Variants in DEUP1 observed in about 807,000 individuals in gnomAD.
The protein encoded by DEUP1 is deuterosome assembly protein 1.
In DEUP1, 82 loss-of-function variants were observed where a neutral mutation model predicts 87.4. The ratio of observed to expected loss-of-function variants is 0.94; its 90% confidence interval spans 0.78 to 1.13. DEUP1 has a LOEUF of 1.13. Ranked by LOEUF, DEUP1 falls within the 50% of genes most tolerant of loss-of-function variation. DEUP1 has a pLI of 0.00. For missense variants in DEUP1, 663 were observed against 681.5 expected, an observed-to-expected ratio of 0.97 and a Z score of 0.30; for synonymous variants, 214 against 222.7, an observed-to-expected ratio of 0.96 and a Z score of 0.35.
intron 6 of DEUP1, among the ~76,000 whole-genome samples, chr11:93,370,673 T>C (rs1231987027): frequency 6.6e-6 from 1 of 152,214 alleles, no homozygotes; most frequent in Admixed American, 6.5e-5. Flanking sequence ...ATTGACAACT[T>C]TTCCCCTACA....
rs561023700 is a variant in DEUP1, at chr11:93,387,669, A to G, written c.936-1351A>G. Among the ~76,000 whole-genome samples the G allele has an allele frequency of 5.9e-5, 9 of 152,266 alleles. No homozygotes were observed. In the South Asian group the frequency reaches 1.9e-3, roughly 32 times the overall value. Reference sequence around the variant, plus strand: ...TTTGCAAGACCACCATGAGGATTTTAGCATTCAATTCAGCATTCTACTTCC... The same window carrying G: ...TTTGCAAGACCACCATGAGGATTTTGGCATTCAATTCAGCATTCTACTTCC... On this transcript the variant is annotated intron_variant, in intron 8 of 13. Coordinates refer to ENST00000298050, the MANE Select transcript of DEUP1 (RefSeq NM_181645.4).
intron 13 of DEUP1, among the ~76,000 whole-genome samples, chr11:93,434,435 A>C (rs1212110069): frequency 6.6e-6 from 1 of 152,218 alleles, no homozygotes; most frequent in Non-Finnish European, 1.5e-5. Flanking sequence ...GAGAGTACCA[A>C]AAGATGCCTC....
chr11:93,434,733 AG>A (rs1379958294), intron 13 of DEUP1, among the ~76,000 whole-genome samples: 3 of 152,212 alleles, frequency 2.0e-5, no homozygotes, highest in Non-Finnish European at 4.4e-5. Context: ...AGATTCTCCA[AG>A]TGGGTTAACA....
At chr11:93,435,045 G>A (rs1024199425) in intron 13 of DEUP1, among the ~76,000 whole-genome samples, 3 of 152,278 alleles carry the variant, frequency 2.0e-5, no homozygotes, top group Admixed American at 2.0e-4. Flanking sequence ...TATAAAGTAG[G>A]TACCTTTACT....
intron 2 of DEUP1, 21 bp downstream of exon 2, chr11:93,332,309 G>A (rs938862930): frequency 6.3e-6 from 10 of 1,598,622 alleles, no homozygotes; most frequent in Non-Finnish European, 8.5e-6. Flanking sequence ...AGAAATTTCT[G>A]TTTAATAAGT....
intron 2 of DEUP1, among the ~76,000 whole-genome samples, chr11:93,347,146 T>A (rs148900717): frequency 3.3e-5 from 5 of 152,340 alleles, no homozygotes; most frequent in African/African-American, 1.2e-4. Flanking sequence ...TGCTTCCAGC[T>A]TTTGCGCATT....
At position 93,371,130 on chromosome 11, in the gene DEUP1, A is replaced by C. The variant is rs200814713; in HGVS notation, c.639A>C (p.Pro213=). The C allele has an allele frequency of 2.3e-4, 378 of 1,613,226 alleles. 1 individual carries two copies. The African/African-American group carries it at 4.7e-3, about 20-fold the overall frequency. The change falls in exon 7 of 14, where the codon CCA becomes CCC. Residue 213 remains proline, a synonymous_variant. Transcript: ENST00000298050. ...AAATTCCTCGTTTGATATGTGACCCAGATCCCAATTGTGAAATCAATGAAA... is the reference window on the plus strand; with the variant it reads ...AAATTCCTCGTTTGATATGTGACCCCGATCCCAATTGTGAAATCAATGAAA... ...SSEIPRLICD[P]DPNCEINERD... is the part of the protein sequence containing the mutation.
In DEUP1 at chr11:93,437,751, C is replaced by CCA. The variant is rs1555068657; in HGVS notation, c.*34_*35dup. ...AAACTTTTTTATTTGCTTCCCCCCC[C>CCA]CACCCCCGCCAAGAAAAAAAGCTCT... On this transcript the variant is annotated 3_prime_UTR_variant, in exon 14 of 14. Coordinates refer to ENST00000298050, the MANE Select transcript of DEUP1 (RefSeq NM_181645.4). 3.8e-5 allele frequency: 40 copies of CCA among 1,045,382 alleles called. No individual in the cohort carries two copies. The African/African-American group carries it at 5.5e-4, about 14-fold the overall frequency. The allele number at this position is 1,045,382 out of a possible 1,614,324, so 64.8% of individuals were successfully genotyped here.
intron 4 of DEUP1, among the ~76,000 whole-genome samples, chr11:93,361,062 G>T (rs1945154517): frequency 6.6e-6 from 1 of 152,076 alleles, no homozygotes; most frequent in South Asian, 2.1e-4. Context: ...AGAGAGAAAT[G>T]ACACCTTAGC....
chr11:93,414,651 T>A (rs973369948), intron 12 of DEUP1, among the ~76,000 whole-genome samples: 4 of 152,192 alleles, frequency 2.6e-5, no homozygotes, highest in African/African-American at 9.6e-5. Context: ...GGCAACAGTG[T>A]AATTACCTGT....
chr11:93,355,645 G>A, intron 3 of DEUP1, 103 bp downstream of exon 3: 1 of 1,009,684 alleles, frequency 9.9e-7, no homozygotes, highest in Non-Finnish European at 1.4e-6. Context: ...TCAGGCATCA[G>A]CAACAGCATT....
At chr11:93,435,419 TG>T (rs1948214390) in intron 13 of DEUP1, among the ~76,000 whole-genome samples, 1 of 152,208 alleles carries the variant, frequency 6.6e-6, no homozygotes, top group Admixed American at 6.5e-5. Context: ...CCTGTCCACT[TG>T]CTGGAGTCTC....
At chr11:93,436,893 AT>A (rs1373491965) in intron 13 of DEUP1, among the ~76,000 whole-genome samples, 13 of 151,720 alleles carry the variant, frequency 8.6e-5, no homozygotes, top group African/African-American at 1.2e-4. Context: ...ACAGATTTTT[AT>A]TTTTTTTTAA....
intron 13 of DEUP1, among the ~76,000 whole-genome samples, chr11:93,431,418 G>C (rs1348759933): frequency 6.6e-6 from 1 of 152,244 alleles, no homozygotes; most frequent in East Asian, 1.9e-4. Flanking sequence ...GGAACAAAAG[G>C]GAACAGATAA....
intron 13 of DEUP1, among the ~76,000 whole-genome samples, chr11:93,418,733 G>A (rs1231484520): frequency 6.6e-6 from 1 of 151,816 alleles, no homozygotes; most frequent in Non-Finnish European, 1.5e-5. Flanking sequence ...ACATGCACAC[G>A]TATGTTTATT....
intron 7 of DEUP1, among the ~76,000 whole-genome samples, chr11:93,381,150 A>G (rs938137494): frequency 6.6e-6 from 1 of 152,156 alleles, no homozygotes; most frequent in Non-Finnish European, 1.5e-5. Flanking sequence ...AAATACATCA[A>G]TTATTTATAT....
chr11:93,413,553 T>C (rs1395169420), intron 12 of DEUP1, among the ~76,000 whole-genome samples: 1 of 152,154 alleles, frequency 6.6e-6, no homozygotes, highest in Non-Finnish European at 1.5e-5. Flanking sequence ...CTTTGATGAT[T>C]TTATTACATC....
Position 93,437,556 on chromosome 11 carries a change from T to C in DEUP1, c.1652T>C (p.Met551Thr), listed in dbSNP as rs773434985. The change falls in exon 14 of 14, where the codon ATG becomes ACG. Residue 551 changes from methionine (M) to threonine (T), a missense_variant. Physicochemically the swap from Met to Thr is moderately conservative, Grantham distance 81 (BLOSUM62 -1). Transcript: ENST00000298050. The stretch of plus-strand genomic sequence containing the variant: ...TTCTCTCTTTAGTCTCCCCCAGATA[T>C]GTCCTTCCCAGCATCTTTGGCTGCA... ...DDVFPLSPPD[M>T]SFPASLAAQH... 2 of 1,612,160 alleles carry C rather than the reference T, an allele frequency of 1.2e-6. No homozygotes were observed. Among genetic ancestry groups the C allele is most frequent in the African/African-American group, 1.3e-5 (1 of 74,868 alleles).
intron 9 of DEUP1, 146 bp downstream of exon 9, chr11:93,389,271 C>T (rs1043054932): frequency 4.4e-5 from 27 of 615,018 alleles, no homozygotes; most frequent in South Asian, 1.2e-4. Flanking sequence ...CTGCTAATTC[C>T]GACATTTTTC....
Sources: gnomAD v4.1 joint callset for allele counts (sites outside exome capture counted in the v4.1 genomes callset) on GRCh38, gnomAD v4.1.1 for gene constraint, MANE v1.5 for transcripts, NCBI Gene and HGNC (gene_info 2026-07-23, HGNC 2026-07-21) for gene names.